INTS13: variants seen among roughly 807,000 people sequenced by gnomAD.
INTS13 encodes asunder, spermatogenesis regulator homolog (Drosphila).
In INTS13, 35 loss-of-function variants were observed where a neutral mutation model predicts 90.2. That is an observed-to-expected ratio of 0.39 (90% CI 0.30 to 0.51). The LOEUF is 0.51. INTS13 is among the 20% of genes least tolerant of loss of function. The pLI, the probability that INTS13 is intolerant of heterozygous loss-of-function variation, is 0.80. For synonymous variants in INTS13, 309 were observed against 277.1 expected (o/e 1.11, Z -1.14); for missense variants, 601 against 851.2 (o/e 0.71, Z 3.66).
chr12:26,924,267 A>G (rs951586943), intron 7 of INTS13, 88 bp downstream of exon 7: 12 of 1,420,400 alleles, frequency 8.4e-6, no homozygotes, highest in East Asian at 2.4e-5. Flanking sequence ...TGCTGGGATT[A>G]CAGGCATGAG....
chr12:26,931,964 G>GT (rs1938216901), intron 3 of INTS13, among the ~76,000 whole-genome samples: 1 of 151,816 alleles, frequency 6.6e-6, no homozygotes, highest in Admixed American at 6.6e-5. Context: ...GCAGGCGCCT[G>GT]TAATTCCAGC....
At chr12:26,914,732 C>A (rs924830612) in intron 11 of INTS13, among the ~76,000 whole-genome samples, 154 bp from the exon 12 acceptor site, 7 of 152,134 alleles carry the variant, frequency 4.6e-5, no homozygotes, top group Admixed American at 4.6e-4. Context: ...ACTTTTTTAT[C>A]CTTTCTGAAC....
At chr12:26,906,245 G>A in intron 16 of INTS13, 57 bp downstream of exon 16, 1 of 1,457,390 alleles carries the variant, frequency 6.9e-7, no homozygotes, top group Non-Finnish European at 9.3e-7. Context: ...AGCAATGATT[G>A]TTAAGGTACT....
chr12:26,909,059 T>A (rs989955106), intron 15 of INTS13, among the ~76,000 whole-genome samples: 2 of 152,190 alleles, frequency 1.3e-5, no homozygotes, highest in African/African-American at 4.8e-5. Flanking sequence ...TCTTGGGTTA[T>A]ATAAATACCA....
chr12:26,913,647 G>A lies in INTS13; in HGVS notation c.1615C>T (p.Leu539Phe), dbSNP rs1415204586. Residue 539 changes from leucine to phenylalanine, a missense_variant, in exon 14 of 17, where the codon CTT (leucine) becomes TTT (phenylalanine). Transcript: ENST00000261191. Reference protein sequence around the residue: ...YRIMWNELETLVRAHINNSEK... With the variant: ...YRIMWNELETFVRAHINNSEK... Reference sequence around the variant, plus strand: ...GAGTTGTTGATATGGGCTCTGACAAGGGTTTCTAATTCATTCCACATGATA... The same window carrying A: ...GAGTTGTTGATATGGGCTCTGACAAAGGTTTCTAATTCATTCCACATGATA... 14 of 1,613,982 alleles carry A rather than the reference G, an allele frequency of 8.7e-6. No individual in the cohort carries two copies. Among genetic ancestry groups the A allele is most frequent in the Non-Finnish European group, 1.2e-5 (14 of 1,179,990 alleles).
At chr12:26,918,065 T>A (rs940815963) in intron 8 of INTS13, among the ~76,000 whole-genome samples, 1 of 152,060 alleles carries the variant, frequency 6.6e-6, no homozygotes, top group Admixed American at 6.5e-5. Context: ...GAGGTTGCGG[T>A]GAGCTGCGAT....
At chr12:26,908,305 T>C (rs1951670628) in intron 15 of INTS13, among the ~76,000 whole-genome samples, 1 of 152,202 alleles carries the variant, frequency 6.6e-6, no homozygotes, top group Admixed American at 6.5e-5. Flanking sequence ...GATGGCGGTA[T>C]GCATTGTCTA....
intron 15 of INTS13, among the ~76,000 whole-genome samples, chr12:26,907,733 CTAA>C (rs1951652007): frequency 6.6e-6 from 1 of 152,148 alleles, no homozygotes; most frequent in African/African-American, 2.4e-5. Context: ...TCAAAATCCA[CTAA>C]TAAGAAACAA....
Position 26,908,407 on chromosome 12 carries a change from T to C in INTS13, c.1946-1970A>G, listed in dbSNP as rs139942854. Among the ~76,000 whole-genome samples, 380 of 152,296 alleles carry C rather than the reference T, an allele frequency of 2.5e-3. 2 individuals are homozygous for C. Among genetic ancestry groups the C allele is most frequent in the African/African-American group, 9.0e-3 (372 of 41,560 alleles). On this transcript the variant is annotated intron_variant, in intron 15 of 16. Coordinates refer to ENST00000261191, the MANE Select transcript of INTS13 (RefSeq NM_018164.3). ...TTATTATAAAACTAATGCATGTTCA[T>C]GAGAACAAATTTAGAAAACAATAAA...
chr12:26,914,210 A>G lies in INTS13; in HGVS notation c.1420-82T>C, dbSNP rs1456432119. Reference sequence around the variant, plus strand: ...ACATCTAGGCAGAACTTGATTTTCGAAAGGATTTTAAAGATTATCATGGTG... The same window carrying G: ...ACATCTAGGCAGAACTTGATTTTCGGAAGGATTTTAAAGATTATCATGGTG... On this transcript the variant is annotated intron_variant, in intron 12 of 16. Coordinates refer to ENST00000261191, the MANE Select transcript of INTS13 (RefSeq NM_018164.3). 5 of 1,296,988 alleles carry G rather than the reference A, an allele frequency of 3.9e-6. No individual in the cohort carries two copies. In the African/African-American group the frequency reaches 7.6e-5, roughly 20 times the overall value. 80.3% of individuals were successfully genotyped at this position (1,296,988 alleles called of 1,614,324 possible).
In INTS13 at chr12:26,906,287, ATAAG is replaced by A; in HGVS notation, c.2081+11_2081+14del. ...GCAATTGACAAAACCAATTTTGACA[ATAAG>A]TAACACAAACCCATTTTCCTCTTTA... On this transcript the variant is annotated intron_variant, in intron 16 of 16. Transcript: ENST00000261191. 6.3e-7 allele frequency: 1 copy of A among 1,587,652 alleles called. No homozygotes were observed. Among genetic ancestry groups the A allele is most frequent in the Non-Finnish European group, 8.6e-7 (1 of 1,168,650 alleles).
At chr12:26,922,383 A>G (rs1937636701) in intron 8 of INTS13, among the ~76,000 whole-genome samples, 1 of 152,224 alleles carries the variant, frequency 6.6e-6, no homozygotes. Flanking sequence ...ATAATTGTTC[A>G]ATTTCATTCT....
Position 26,936,588 on chromosome 12 carries a change from G to C in INTS13, c.216C>G (p.Phe72Leu). ...TGTACTTCACACTCACCAGCTTTTT[G>C]AAAGGAAATATATCATACATTATTC... ...YCRIMYDIFP[F>L]KKLVNFIVSD... The change falls in exon 2 of 17, where the codon TTC (phenylalanine) becomes TTG (leucine). Residue 72 changes from phenylalanine to leucine, a missense_variant. By Grantham distance (22) the Phe-to-Leu change is conservative. Coordinates refer to ENST00000261191, the MANE Select transcript of INTS13 (RefSeq NM_018164.3). The C allele has an allele frequency of 1.2e-6, 2 of 1,605,756 alleles. No homozygotes were observed. Among genetic ancestry groups the C allele is most frequent in the Non-Finnish European group, 1.7e-6 (2 of 1,172,848 alleles).
At position 26,922,777 on chromosome 12, in the gene INTS13, C is replaced by T. The variant is rs1011986742; in HGVS notation, c.805-77G>A. 6.8e-6 allele frequency: 6 copies of T among 887,564 alleles called. No individual in the cohort carries two copies. In the South Asian group the frequency reaches 7.7e-5, roughly 11 times the overall value. The allele number at this position is 887,564 out of a possible 1,614,324, so 55.0% of individuals were successfully genotyped here. A position where few individuals can be genotyped will look rare whatever the true frequency, so the allele number is the denominator to read the frequency against. On this transcript the variant is annotated intron_variant, in intron 7 of 16. Coordinates refer to ENST00000261191, the MANE Select transcript of INTS13 (RefSeq NM_018164.3). ...AATAAAATTATTAATTATTCATTTG[C>T]TTTTTGTTTAAAATGAGGGCAAATA...
chr12:26,911,017 T>C (rs1951758779), intron 15 of INTS13, among the ~76,000 whole-genome samples, 161 bp downstream of exon 15: 1 of 152,110 alleles, frequency 6.6e-6, no homozygotes, highest in Admixed American at 6.6e-5. Flanking sequence ...GTATTTTTAT[T>C]AGAGGTGGGG....
At chr12:26,911,044 A>T in intron 15 of INTS13, 134 bp downstream of exon 15, 1 of 931,188 alleles carries the variant, frequency 1.1e-6, no homozygotes, top group South Asian at 2.0e-5. Context: ...CATGCTGGCC[A>T]GGCTGGTCTT....
intron 1 of INTS13, among the ~76,000 whole-genome samples, chr12:26,937,471 T>C (rs1938531052): frequency 6.6e-6 from 1 of 152,244 alleles, no homozygotes; most frequent in African/African-American, 2.4e-5. Context: ...ACCATCACAC[T>C]GGTGTGTAGA....
intron 9 of INTS13, 93 bp from the exon 10 acceptor site, chr12:26,917,534 G>T: frequency 8.2e-7 from 1 of 1,225,628 alleles, no homozygotes; most frequent in Non-Finnish European, 1.2e-6. Context: ...TGAGTTCATT[G>T]AGTCCTGAAA....
chr12:26,917,471 GAATATA>G (rs778560110), intron 9 of INTS13, 30 bp from the exon 10 acceptor site: 1 of 1,317,346 alleles, frequency 7.6e-7, no homozygotes, highest in East Asian at 2.3e-5. Context: ...TGATTTGAAA[GAATATA>G]AAGAAATATT....
Sources: gnomAD v4.1 joint callset for allele counts (sites outside exome capture counted in the v4.1 genomes callset) on GRCh38, gnomAD v4.1.1 for gene constraint, MANE v1.5 for transcripts, NCBI Gene and HGNC (gene_info 2026-07-23, HGNC 2026-07-21) for gene names.